The following SH3BP5 variants were observed in gnomAD, a reference collection of about 807,000 sequenced individuals.
SH3BP5 encodes the protein SH3 domain binding protein 5.
In SH3BP5, 22 loss-of-function variants were observed where a neutral mutation model predicts 43.3. The ratio of observed to expected loss-of-function variants is 0.51; its 90% CI spans 0.36 to 0.73. The LOEUF is 0.73. Among genes scored for constraint, SH3BP5 ranks in the 30% least tolerant of loss-of-function variants. The pLI is 0.00. For synonymous variants in SH3BP5, 255 were observed against 225.8 expected, an observed-to-expected ratio of 1.13 and a Z score of -1.16; for missense variants, 529 against 586.9, an observed-to-expected ratio of 0.90 and a Z score of 1.02.
In SH3BP5 at chr3:15,330,374, G is replaced by C. The variant is rs11923969; in HGVS notation, c.201+130C>G. 5.9e-3 allele frequency: 4,388 copies of C among 745,066 alleles called. 135 individuals carry two copies. In the African/African-American group the frequency reaches 0.064, roughly 11 times the overall value. 46.2% of individuals were successfully genotyped at this position (745,066 alleles called of 1,614,324 possible). ...TCAGTGGTGTATTTTATTCTGTCAG[G>C]GAGCTGTTGCTCAACTCCCAAGGAG... On this transcript the variant is annotated intron_variant, in intron 2 of 8. Coordinates refer to ENST00000383791, the MANE Select transcript of SH3BP5 (RefSeq NM_004844.5).
chr3:15,325,678 C>A (rs190093075), intron 2 of SH3BP5, among the ~76,000 whole-genome samples: 1 of 152,346 alleles, frequency 6.6e-6, no homozygotes, highest in Admixed American at 6.5e-5. Flanking sequence ...GTCCCCATCA[C>A]CGAAAATTGC....
intron 4 of SH3BP5, among the ~76,000 whole-genome samples, chr3:15,265,912 C>A (rs1696630372): frequency 6.6e-6 from 1 of 152,172 alleles, no homozygotes; most frequent in Admixed American, 6.5e-5. Context: ...GCATGGGCAC[C>A]ACTGGGCACT....
intron 3 of SH3BP5, among the ~76,000 whole-genome samples, chr3:15,282,036 C>T (rs886378532): frequency 6.6e-6 from 1 of 152,096 alleles, no homozygotes; most frequent in African/African-American, 2.4e-5. Context: ...CATTTTGATG[C>T]CTTGCACAAA....
chr3:15,334,611 G>A (rs1001739350), upstream of SH3BP5, among the ~76,000 whole-genome samples: 7 of 151,814 alleles, frequency 4.6e-5, no homozygotes, highest in Non-Finnish European at 1.5e-5. Flanking sequence ...GTACATATTT[G>A]CATTGTATTA....
intron 3 of SH3BP5, among the ~76,000 whole-genome samples, chr3:15,293,054 G>C (rs928615041): frequency 1.3e-5 from 2 of 152,214 alleles, no homozygotes; most frequent in African/African-American, 4.8e-5. Context: ...AAGATTCCAA[G>C]TTTCCAAAGT....
In SH3BP5 at chr3:15,304,093, G is replaced by T; in HGVS notation, c.330+10C>A. 1 of 1,611,894 alleles carries T rather than the reference G, an allele frequency of 6.2e-7. No homozygotes were observed. Among genetic ancestry groups the T allele is most frequent in the Non-Finnish European group, 8.5e-7 (1 of 1,178,354 alleles). On this transcript the variant is annotated intron_variant, in intron 3 of 8. Coordinates refer to ENST00000383791, the MANE Select transcript of SH3BP5 (RefSeq NM_004844.5). Reference sequence around the variant, plus strand: ...TCGAGGTAGGGGAGACATCTATGGGGCTATCTTACCTGCCTCGCCACCCTC... The same window carrying T: ...TCGAGGTAGGGGAGACATCTATGGGTCTATCTTACCTGCCTCGCCACCCTC...
chr3:15,329,111 C>G (rs940451159), intron 2 of SH3BP5, among the ~76,000 whole-genome samples: 2 of 151,876 alleles, frequency 1.3e-5, no homozygotes, highest in Non-Finnish European at 2.9e-5. Context: ...CATCACACCA[C>G]TGCACCCCAG....
At chr3:15,313,639 T>C (rs993564093) in intron 2 of SH3BP5, among the ~76,000 whole-genome samples, 1 of 152,198 alleles carries the variant, frequency 6.6e-6, no homozygotes, top group African/African-American at 2.4e-5. Context: ...GAAACCACTT[T>C]AAATAGCGCT....
At chr3:15,309,558 G>T (rs1423694323) in intron 2 of SH3BP5, among the ~76,000 whole-genome samples, 1 of 152,078 alleles carries the variant, frequency 6.6e-6, no homozygotes, top group South Asian at 2.1e-4. Context: ...GTTTTCAACT[G>T]TAAAATATCA....
chr3:15,299,351 A>G (rs924507548), intron 3 of SH3BP5, among the ~76,000 whole-genome samples: 3 of 152,310 alleles, frequency 2.0e-5, no homozygotes, highest in African/African-American at 7.2e-5. Context: ...GCTTGGCAGA[A>G]ATTGGACTTG....
chr3:15,292,706 G>A (rs1487617727), intron 3 of SH3BP5, among the ~76,000 whole-genome samples: 5 of 152,138 alleles, frequency 3.3e-5, no homozygotes. Flanking sequence ...AAATTAGCTG[G>A]GCGTGGTGGC....
rs775249361 is a variant in SH3BP5 at position 15,262,254 on chromosome 3, C to T, written c.531G>A (p.Glu177=). The T allele has an allele frequency of 2.5e-6, 4 of 1,614,058 alleles. No individual in the cohort carries two copies. The highest frequency in any genetic ancestry group is 1.7e-6 in the Non-Finnish European group (2 of 1,180,024). Residue 177 remains glutamate (E), a synonymous_variant, in exon 5 of 9, where the codon GAG becomes GAA. Transcript: ENST00000383791. The part of the protein sequence containing the change: ...MEAEQTKTRS[E]LVHKETAARY... ...TGGCTGCCGTCTCCTTATGCACCAG[C>T]TCGCTCCTGGTCTTGGTCTGCTCCG...
intron 3 of SH3BP5, among the ~76,000 whole-genome samples, chr3:15,288,292 T>C (rs1158508256): frequency 6.6e-6 from 1 of 152,232 alleles, no homozygotes; most frequent in Non-Finnish European, 1.5e-5. Context: ...CAGAATTATA[T>C]TTGACCACAT....
chr3:15,259,260 C>T (rs373427188), intron 6 of SH3BP5: 2 of 599,834 alleles, frequency 3.3e-6, no homozygotes, highest in East Asian at 2.8e-5. Flanking sequence ...CAGGTGACAA[C>T]CTCTAATATC....
intron 2 of SH3BP5, among the ~76,000 whole-genome samples, chr3:15,323,547 A>G (rs1698388571): frequency 6.6e-6 from 1 of 152,158 alleles, no homozygotes; most frequent in Non-Finnish European, 1.5e-5. Flanking sequence ...CCTCCAGGCT[A>G]CCCAGGGATG....
chr3:15,311,543 G>C (rs1297665645), intron 2 of SH3BP5, among the ~76,000 whole-genome samples: 1 of 134,742 alleles, frequency 7.4e-6, no homozygotes, highest in Non-Finnish European at 1.6e-5. Flanking sequence ...CTGGGTGACA[G>C]ACATTCTGTC....
At chr3:15,294,288 T>G (rs1697498971) in intron 3 of SH3BP5, among the ~76,000 whole-genome samples, 1 of 128,174 alleles carries the variant, frequency 7.8e-6, no homozygotes, top group Non-Finnish European at 1.6e-5. Context: ...TCTGCAAAAG[T>G]AAGTGTGTGT....
chr3:15,338,971 G>A (rs1698733372), intron 1 of SH3BP5, among the ~76,000 whole-genome samples: 1 of 152,124 alleles, frequency 6.6e-6, no homozygotes, highest in Admixed American at 6.5e-5. Flanking sequence ...CTGGCTCGTA[G>A]GTCTTCCTGC....
intron 2 of SH3BP5, among the ~76,000 whole-genome samples, chr3:15,318,009 C>A (rs1352913027): frequency 6.6e-6 from 1 of 152,142 alleles, no homozygotes; most frequent in Non-Finnish European, 1.5e-5. Flanking sequence ...TGGGCTCCAG[C>A]CTCAGATTTC....
Sources: allele counts gnomAD v4.1 joint callset (sites outside exome capture counted in the v4.1 genomes callset), GRCh38; gene constraint gnomAD v4.1.1; transcripts MANE v1.5; gene names NCBI Gene and HGNC (gene_info 2026-07-23, HGNC 2026-07-21).